The following HIP1R variants were observed in gnomAD, a reference collection of about 807,000 sequenced individuals.
The protein encoded by HIP1R is huntingtin interacting protein 1 related, also known as huntingtin-interacting protein 1-related protein.
In HIP1R, 135 loss-of-function variants were observed where a neutral mutation model predicts 144.2. That is an observed-to-expected ratio of 0.94 (90% CI 0.81 to 1.08). The LOEUF (loss-of-function observed/expected upper bound fraction) is 1.08. Ranked by LOEUF, HIP1R falls within the 50% of genes least tolerant of loss-of-function variation. The probability of loss-of-function intolerance (pLI) is 0.00; values close to 1 mark genes in which losing one functional copy is unlikely to be tolerated. For missense variants in HIP1R, 1,462 were observed against 1,432.8 expected (o/e 1.02, Z -0.33); for synonymous variants, 698 against 612.8 (o/e 1.14, Z -2.05).
chr12:122,847,936 A>G, intron 1 of HIP1R, 95 bp from the exon 2 acceptor site: 1 of 1,189,868 alleles, frequency 8.4e-7, no homozygotes, highest in Non-Finnish European at 1.2e-6. Context: ...GAACCCAGGC[A>G]GAATCCTGTT....
Position 122,858,381 on chromosome 12 carries a change from G to A in HIP1R, c.1996G>A (p.Asp666Asn), listed in dbSNP as rs1158856257. The A allele has an allele frequency of 6.2e-7, 1 of 1,611,084 alleles. No individual in the cohort carries two copies. The highest frequency in any genetic ancestry group is 8.5e-7 in the Non-Finnish European group (1 of 1,178,550). The change falls in exon 20 of 32, where the codon GAT (aspartate) becomes AAT (asparagine). Residue 666 changes from aspartate to asparagine, a missense_variant. Around this residue, in one of 2 missense-constraint regions of HIP1R, gnomAD observed 1,112 missense variants for 1,011.7 expected, o/e 1.10. Coordinates refer to ENST00000253083, the MANE Select transcript of HIP1R (RefSeq NM_003959.3). ...GGTGAGCAGGGCCCAGGAGGCCTTG[G>A]ATGCCGTGAGCACCCTGGAGGAGGG... ...YLVSRAQEAL[D>N]AVSTLEEGHA...
chr12:122,855,961 G>T lies in HIP1R; in HGVS notation c.1129-19G>T. The T allele has an allele frequency of 6.3e-7, 1 of 1,575,442 alleles. No homozygotes were observed. Among genetic ancestry groups the T allele is most frequent in the Non-Finnish European group, 8.6e-7 (1 of 1,160,992 alleles). ...CCTCACGGCCCAGGCAGGGCCCCACGTCACACCTCCTCCCGCAGGCCCAGC... is the reference window on the plus strand; with the variant it reads ...CCTCACGGCCCAGGCAGGGCCCCACTTCACACCTCCTCCCGCAGGCCCAGC... On this transcript the variant is annotated intron_variant, in intron 13 of 31. Transcript: ENST00000253083.
chr12:122,840,508 C>T lies in HIP1R; in HGVS notation c.93+4865C>T, dbSNP rs2033027939. Among the ~76,000 whole-genome samples the T allele has an allele frequency of 6.6e-6, 1 of 152,218 alleles. No homozygotes were observed. Among genetic ancestry groups the T allele is most frequent in the Admixed American group, 6.5e-5 (1 of 15,282 alleles). On this transcript the variant is annotated intron_variant, in intron 1 of 31. Transcript: ENST00000253083. This position sits in a 1 kb window ranked among gnomAD's most constrained non-coding sequence, Gnocchi z 4.2. ...AAATGGGGGCAATAATACTACACAC[C>T]TCCTGGAGTGGTTGTGAAGAAATTT...
chr12:122,838,435 C>T (rs2032967584), intron 1 of HIP1R, among the ~76,000 whole-genome samples: 1 of 151,970 alleles, frequency 6.6e-6, no homozygotes, highest in South Asian at 2.1e-4. Flanking sequence ...GGAACCTGAA[C>T]ACTGCCTGTA....
At chr12:122,854,998 G>A in intron 9 of HIP1R, 36 bp downstream of exon 9, 6 of 1,613,426 alleles carry the variant, frequency 3.7e-6, no homozygotes, top group Non-Finnish European at 5.1e-6. Flanking sequence ...TGAGGCCGGT[G>A]GGGGAGAGGC....
At chr12:122,858,284 C>G in intron 19 of HIP1R, 35 bp downstream of exon 19, 1 of 1,579,074 alleles carries the variant, frequency 6.3e-7, no homozygotes, top group Non-Finnish European at 8.6e-7. Flanking sequence ...CGCTCCCCTG[C>G]CTCCTTCCCA....
At chr12:122,855,178 G>C (rs767725095) in intron 10 of HIP1R, 50 bp downstream of exon 10, 3 of 1,611,214 alleles carry the variant, frequency 1.9e-6, no homozygotes, top group Admixed American at 3.4e-5. Context: ...CCAGGCACCT[G>C]GCTGGGCCCC....
chr12:122,862,014 ACTCTTCAGAAAATAGTGTTTTTAATATTC>A lies in HIP1R; in HGVS notation c.*292_*320del, dbSNP rs1328956487. The A allele has an allele frequency of 6.3e-4, 301 of 476,594 alleles. 1 individual carries two copies. Among genetic ancestry groups the A allele is most frequent in the Admixed American group, 3.0e-3 (79 of 26,484 alleles). The allele number at this position is 476,594 out of a possible 1,614,324, so 29.5% of individuals were successfully genotyped here. A position where few individuals can be genotyped will look rare whatever the true frequency, so the allele number is the denominator to read the frequency against. ...CAGGACCCGGTAGGCCTGAGCCTCA[ACTCTTCAGAAAATAGTGTTTTTAATATTC>A]CTCTTCAGAAAATAGTGTTTTTAAT... On this transcript the variant is annotated 3_prime_UTR_variant, in exon 32 of 32. Coordinates refer to ENST00000253083, the MANE Select transcript of HIP1R (RefSeq NM_003959.3).
chr12:122,850,112 G>A (rs921518178), intron 5 of HIP1R, 157 bp downstream of exon 5: 6 of 707,984 alleles, frequency 8.5e-6, no homozygotes, highest in Non-Finnish European at 1.6e-5. Context: ...GGGAGACGGG[G>A]AAGCCAGGGC....
At chr12:122,848,676 C>T (rs1566104837) in intron 3 of HIP1R, 68 bp downstream of exon 3, 3 of 1,593,914 alleles carry the variant, frequency 1.9e-6, no homozygotes, top group African/African-American at 1.3e-5. Flanking sequence ...CGGGCTCTGG[C>T]CCTGTTCCTG....
chr12:122,862,501 TC>T lies in HIP1R; in HGVS notation c.*753del. ...GCCACCCCCATTTCCTGTTTTCCAT[TC>T]CCCCGTTCTGGCCGCGCCCCACTGC... On this transcript the variant is annotated 3_prime_UTR_variant, in exon 32 of 32. Transcript: ENST00000253083. 6.6e-6 allele frequency: 1 copy of T among 152,346 alleles called. No individual in the cohort carries two copies. The highest frequency in any genetic ancestry group is 1.5e-5 in the Non-Finnish European group (1 of 68,174). The allele number at this position is 152,346 out of a possible 1,614,324, so 9.4% of individuals were successfully genotyped here.
intron 18 of HIP1R, chr12:122,857,569 A>G (rs1426105998): frequency 1.1e-4 from 50 of 435,864 alleles, no homozygotes; most frequent in South Asian, 1.0e-3. Context: ...AACATCTGCC[A>G]TCACTTATCT....
At chr12:122,856,884 T>G in intron 17 of HIP1R, 137 bp from the exon 18 acceptor site, 1 of 1,035,030 alleles carries the variant, frequency 9.7e-7, no homozygotes, top group Middle Eastern at 3.1e-4. Context: ...AGACAGGACC[T>G]ACCGCTGGTC....
chr12:122,840,832 C>T lies in HIP1R; in HGVS notation c.93+5189C>T, dbSNP rs900679942. On this transcript the variant is annotated intron_variant, in intron 1 of 31. Transcript: ENST00000253083. The surrounding 1 kb of genome is among the most constrained non-coding windows in gnomAD (Gnocchi z 4.2). ...AGGGTTGGGAGGATATTCTGGGGGACGACAGCCTCAGGAGGTGCAGACAAA... is the reference window on the plus strand; with the variant it reads ...AGGGTTGGGAGGATATTCTGGGGGATGACAGCCTCAGGAGGTGCAGACAAA... 2.0e-5 allele frequency among the ~76,000 whole-genome samples: 3 copies of T among 152,114 alleles called. No homozygotes were observed. The highest frequency in any genetic ancestry group is 4.4e-5 in the Non-Finnish European group (3 of 68,024).
In HIP1R at chr12:122,854,146, C is replaced by T. The variant is rs200333969; in HGVS notation, c.681C>T (p.Tyr227=). The change falls in exon 8 of 32, where the codon TAC becomes TAT. Residue 227 remains tyrosine, a synonymous_variant. Transcript: ENST00000253083. The part of the protein sequence containing the change: ...IQVIQDCSHL[Y]HYTVKLLFKL... ...TCATCCAGGACTGCAGCCACCTCTA[C>T]CACTACACGGTCAAGCTCCTGTTCA... The T allele has an allele frequency of 6.8e-6, 11 of 1,613,898 alleles. No individual in the cohort carries two copies. In the African/African-American group the frequency reaches 1.5e-4, roughly 22 times the overall value.
rs2033720116 is a variant in HIP1R at position 122,860,036 on chromosome 12, C to T, written c.2466-11C>T. 1.9e-6 allele frequency: 3 copies of T among 1,552,232 alleles called. No homozygotes were observed. Among genetic ancestry groups the T allele is most frequent in the Non-Finnish European group, 2.6e-6 (3 of 1,150,000 alleles). Reference sequence around the variant, plus strand: ...CAGAGCGGCAGCTAAGTCTCTCCTTCTCTCCCCCAGGATCCTCAACTCCTG... The same window carrying T: ...CAGAGCGGCAGCTAAGTCTCTCCTTTTCTCCCCCAGGATCCTCAACTCCTG... On this transcript the variant is annotated splice_polypyrimidine_tract_variant and intron_variant, in intron 24 of 31. Transcript: ENST00000253083.
chr12:122,841,127 G>A (rs1593860133), intron 1 of HIP1R, among the ~76,000 whole-genome samples: 1 of 145,234 alleles, frequency 6.9e-6, no homozygotes, highest in Non-Finnish European at 1.5e-5. Context: ...GCCCTTACCC[G>A]CCCCCTCCCC....
At chr12:122,851,170 C>A in intron 6 of HIP1R, 66 bp from the exon 7 acceptor site, 2 of 1,375,286 alleles carry the variant, frequency 1.5e-6, no homozygotes, top group Non-Finnish European at 1.9e-6. Flanking sequence ...CTGGAGGGGG[C>A]GTCTCAGGAC....
Position 122,850,888 on chromosome 12 carries a change from A to T in HIP1R, c.492A>T (p.Ala164=). The change falls in exon 6 of 32, where the codon GCA becomes GCT. Residue 164 remains alanine (A), a synonymous_variant. Transcript: ENST00000253083. The part of the protein sequence containing the change: ...LEVTDEVLEK[A]AGTDVNNIFQ... ...TGACAGATGAGGTACTGGAGAAGGC[A>T]GCTGGGACCGATGTCAACAACATGT... 2 of 1,611,054 alleles carry T rather than the reference A, an allele frequency of 1.2e-6. No homozygotes were observed. The highest frequency in any genetic ancestry group is 2.2e-5 in the South Asian group (2 of 90,442).
Sources: gnomAD v4.1 joint callset for allele counts (sites outside exome capture counted in the v4.1 genomes callset) on GRCh38, gnomAD v4.1.1 for gene constraint, gnomAD v4.1.1 regional missense constraint, Gnocchi (gnomAD v3.1) non-coding constraint, MANE v1.5 for transcripts, NCBI Gene and HGNC (gene_info 2026-07-23, HGNC 2026-07-21) for gene names.